Variants in FRY observed in about 807,000 individuals in gnomAD.
FRY encodes FRY microtubule binding protein, also known as protein furry homolog.
In FRY, 128 loss-of-function variants were observed where a neutral mutation model predicts 348.4. The observed-to-expected ratio is 0.37, with a 90% CI of 0.32 to 0.43. The LOEUF is 0.43. FRY is among the 20% of genes least tolerant of loss of function. The pLI is 1.00. For missense variants in FRY, 2,736 were observed against 3,695.2 expected, an observed-to-expected ratio of 0.74 and a Z score of 6.73; for synonymous variants, 1,370 against 1,374.7, an observed-to-expected ratio of 1.00 and a Z score of 0.08.
At chr13:32,261,468 G>T in intron 51 of FRY, 148 bp from the exon 52 acceptor site, 1 of 795,792 alleles carries the variant, frequency 1.3e-6, no homozygotes, top group Non-Finnish European at 2.3e-6. Context: ...TTCACATTGG[G>T]TAAACAAAAG....
intron 16 of FRY, among the ~76,000 whole-genome samples, chr13:32,158,951 CAAAAAAAAA>C (rs35585320): frequency 1.8e-4 from 6 of 32,786 alleles, no homozygotes; most frequent in East Asian, 1.6e-3. Flanking sequence ...GCTGTTTCCT[CAAAAAAAAA>C]AAAAAAAAAA....
At chr13:32,294,302 TC>T (rs1251575352) in intron 59 of FRY, 65 bp from the exon 60 acceptor site, 35 of 1,102,194 alleles carry the variant, frequency 3.2e-5, no homozygotes, top group Non-Finnish European at 4.6e-5. Flanking sequence ...CCTTTTTTTT[TC>T]CTTTTGGGAT....
Position 32,178,236 on chromosome 13 carries a change from C to T in FRY, c.2481C>T (p.Val827=), listed in dbSNP as rs1222037450. 1.2e-6 allele frequency: 2 copies of T among 1,614,128 alleles called. No homozygotes were observed. The highest frequency in any genetic ancestry group is 8.5e-7 in the Non-Finnish European group (1 of 1,179,960). Residue 827 remains valine, a synonymous_variant, in exon 21 of 61, where the codon GTC becomes GTT. Coordinates refer to ENST00000542859, the MANE Select transcript of FRY (RefSeq NM_023037.3). The part of the protein sequence containing the change: ...DLQWLVEWNA[V]LVNSHYDVKS... ...AGTGGTTGGTGGAATGGAACGCAGT[C>T]CTGGTCAATAGCCATTATGATGTGA...
chr13:32,182,250 A>G (rs769802265), intron 23 of FRY, among the ~76,000 whole-genome samples: 1 of 152,244 alleles, frequency 6.6e-6, no homozygotes, highest in Non-Finnish European at 1.5e-5. Context: ...AAGAGAACTA[A>G]TTAGATTAGA....
intron 1 of FRY, among the ~76,000 whole-genome samples, chr13:32,046,090 T>C (rs2138380823): frequency 6.6e-6 from 1 of 152,318 alleles, no homozygotes; most frequent in African/African-American, 2.4e-5. Flanking sequence ...TATCATATTG[T>C]TCTGCCAAAC....
chr13:32,224,432 T>A, intron 37 of FRY, 47 bp downstream of exon 37: 1 of 1,585,566 alleles, frequency 6.3e-7, no homozygotes. Flanking sequence ...TTGACTGGAC[T>A]TTTCTACCTA....
chr13:32,148,306 G>A (rs1355227027), intron 13 of FRY, among the ~76,000 whole-genome samples: 7 of 152,086 alleles, frequency 4.6e-5, no homozygotes, highest in East Asian at 1.9e-4. Context: ...AGGGTCTGGC[G>A]TTCAGAGAAA....
At chr13:32,134,792 C>T in intron 8 of FRY, 112 bp from the exon 9 acceptor site, 1 of 784,658 alleles carries the variant, frequency 1.3e-6, no homozygotes, top group Non-Finnish European at 2.3e-6. Flanking sequence ...ATGGAATATG[C>T]TCTGTTGATA....
intron 49 of FRY, 124 bp downstream of exon 49, chr13:32,249,811 A>G: frequency 1.2e-6 from 1 of 800,096 alleles, no homozygotes. Flanking sequence ...CAGCACTTCC[A>G]GGGATGGGGT....
intron 28 of FRY, among the ~76,000 whole-genome samples, chr13:32,192,041 C>T (rs1883367373): frequency 6.6e-6 from 1 of 152,024 alleles, no homozygotes; most frequent in African/African-American, 2.4e-5. Flanking sequence ...AGTGGTTTCT[C>T]CTGGGTAGGA....
In FRY at chr13:32,297,743, T is replaced by G. The variant is rs2072087377; in HGVS notation, c.*2283T>G. On this transcript the variant is annotated 3_prime_UTR_variant, in exon 61 of 61. Transcript: ENST00000542859. ...AACTTTAGATCTACCAGTCAAATCT[T>G]GTCGGCTATTGCTCTGTGCCTCTGT... 1 of 152,220 alleles carries G rather than the reference T, an allele frequency of 6.6e-6. No homozygotes were observed. Among genetic ancestry groups the G allele is most frequent in the African/African-American group, 2.4e-5 (1 of 41,456 alleles). 9.4% of individuals were successfully genotyped at this position (152,220 alleles called of 1,614,324 possible). A position where few individuals can be genotyped will look rare whatever the true frequency, so the allele number is the denominator to read the frequency against.
chr13:32,224,278 A>G lies in FRY; in HGVS notation c.4809A>G (p.Thr1603=), dbSNP rs1206110861. Reference sequence around the variant, plus strand: ...ACACGGGCTGGTTGCTGACTATTACAGAGACCAAGCAGCCGCAGCCCTTAC... The same window carrying G: ...ACACGGGCTGGTTGCTGACTATTACGGAGACCAAGCAGCCGCAGCCCTTAC... ...SPYTGWLLTI[T]ETKQPQPLPM... is the part of the protein sequence containing the mutation. The change falls in exon 37 of 61, where the codon ACA becomes ACG. Residue 1603 remains threonine (T), a synonymous_variant. Coordinates refer to ENST00000542859, the MANE Select transcript of FRY (RefSeq NM_023037.3). The G allele has an allele frequency of 1.9e-6, 3 of 1,614,054 alleles. No homozygotes were observed. The highest frequency in any genetic ancestry group is 2.5e-6 in the Non-Finnish European group (3 of 1,179,944).
chr13:32,216,046 A>G (rs1055261968), intron 35 of FRY, among the ~76,000 whole-genome samples: 8 of 152,206 alleles, frequency 5.3e-5, no homozygotes, highest in Non-Finnish European at 1.2e-4. Flanking sequence ...ACACAAATAT[A>G]TATTAACTAT....
intron 33 of FRY, among the ~76,000 whole-genome samples, chr13:32,209,934 G>A (rs1884589844): frequency 6.6e-6 from 1 of 152,180 alleles, no homozygotes; most frequent in South Asian, 2.1e-4. Flanking sequence ...TGATGCCTCT[G>A]TCATCTCCTT....
intron 2 of FRY, among the ~76,000 whole-genome samples, chr13:32,087,787 C>T (rs1016739106): frequency 6.6e-6 from 1 of 152,212 alleles, no homozygotes; most frequent in Non-Finnish European, 1.5e-5. Flanking sequence ...TCCTTTCATC[C>T]GGAACCCTTT....
At chr13:32,057,697 C>T (rs1873711735) in intron 1 of FRY, among the ~76,000 whole-genome samples, 2 of 152,272 alleles carry the variant, frequency 1.3e-5, no homozygotes, top group Admixed American at 6.5e-5. Flanking sequence ...TGGTGGCTCA[C>T]ACCTGTAATG....
intron 7 of FRY, among the ~76,000 whole-genome samples, chr13:32,130,218 T>C (rs749931855): frequency 2.0e-5 from 3 of 152,050 alleles, no homozygotes; most frequent in Non-Finnish European, 4.4e-5. Context: ...TTTTTGTGTT[T>C]TTGGTAGAGA....
intron 24 of FRY, 139 bp from the exon 25 acceptor site, chr13:32,184,461 G>T (rs1393710097): frequency 2.7e-5 from 18 of 671,168 alleles, no homozygotes; most frequent in South Asian, 2.7e-4. Context: ...GGATTAGGAA[G>T]AAAGAAAAAT....
chr13:32,051,190 A>C (rs961743871), intron 1 of FRY, among the ~76,000 whole-genome samples: 1 of 152,212 alleles, frequency 6.6e-6, no homozygotes, highest in African/African-American at 2.4e-5. Context: ...TTGGGTGAGG[A>C]AAATGACCGT....
Sources: gnomAD v4.1 joint callset for allele counts (sites outside exome capture counted in the v4.1 genomes callset) on GRCh38, gnomAD v4.1.1 for gene constraint, MANE v1.5 for transcripts, NCBI Gene and HGNC (gene_info 2026-07-23, HGNC 2026-07-21) for gene names.